MAGI1: variants seen among roughly 807,000 people sequenced by gnomAD.
MAGI1 encodes the protein membrane associated guanylate kinase, WW and PDZ domain containing 1.
MAGI1 carries 58 observed loss-of-function variants against 139.9 expected under a neutral mutation model. That is an observed-to-expected ratio of 0.41 (90% CI 0.34 to 0.52). MAGI1 has a LOEUF of 0.52. Ranked by LOEUF, MAGI1 falls within the 20% of genes least tolerant of loss-of-function variation. The pLI is 0.12. For synonymous variants in MAGI1, 812 were observed against 737.9 expected, an observed-to-expected ratio of 1.10 and a Z score of -1.63; for missense variants, 1,874 against 1,901.6, an observed-to-expected ratio of 0.99 and a Z score of 0.27.
At chr3:65,710,226 G>A in intron 1 of MAGI1, among the ~76,000 whole-genome samples, 1 of 144,450 alleles carries the variant, frequency 6.9e-6, no homozygotes, top group South Asian at 2.3e-4. Flanking sequence ...GGTAAGTTTA[G>A]AAGATGTCTT....
intron 13 of MAGI1, 61 bp downstream of exon 13, chr3:65,401,378 C>CAA: frequency 1.2e-5 from 14 of 1,189,328 alleles, no homozygotes; most frequent in Non-Finnish European, 1.5e-5. Context: ...ACCCTCCCAC[C>CAA]TCCAGCCCCC....
chr3:65,519,612 C>G (rs1276489638), intron 2 of MAGI1, among the ~76,000 whole-genome samples: 1 of 152,116 alleles, frequency 6.6e-6, no homozygotes, highest in African/African-American at 2.4e-5. Flanking sequence ...TCTCAAACTC[C>G]TGACCTCGTG....
chr3:65,370,129 C>T (rs1270671892), intron 18 of MAGI1, among the ~76,000 whole-genome samples: 1 of 152,160 alleles, frequency 6.6e-6, no homozygotes, highest in Admixed American at 6.5e-5. Flanking sequence ...TCCCCTGCTT[C>T]AACTCTAATT....
intron 2 of MAGI1, among the ~76,000 whole-genome samples, chr3:65,510,129 A>G (rs2077506568): frequency 6.6e-6 from 1 of 152,200 alleles, no homozygotes; most frequent in African/African-American, 2.4e-5. Context: ...AACAGAAAGG[A>G]CACCCACACC....
chr3:65,934,298 G>A (rs1272376025), intron 1 of MAGI1, among the ~76,000 whole-genome samples: 2 of 150,810 alleles, frequency 1.3e-5, no homozygotes, highest in African/African-American at 2.4e-5. Context: ...GATCTTGCTG[G>A]GTTGCCCAGG....
intron 2 of MAGI1, among the ~76,000 whole-genome samples, chr3:65,537,880 G>T (rs1184371616): frequency 6.6e-6 from 1 of 152,056 alleles, no homozygotes; most frequent in African/African-American, 2.4e-5. Flanking sequence ...CACTTTGAGA[G>T]GCCAAGGCGG....
At chr3:65,440,504 G>A (rs898215376) in intron 8 of MAGI1, among the ~76,000 whole-genome samples, 2 of 152,098 alleles carry the variant, frequency 1.3e-5, no homozygotes, top group African/African-American at 2.4e-5. Flanking sequence ...TGAGACATAA[G>A]ATTAAAGTGG....
chr3:65,518,212 A>G (rs936991789), intron 2 of MAGI1, among the ~76,000 whole-genome samples: 1 of 152,074 alleles, frequency 6.6e-6, no homozygotes, highest in African/African-American at 2.4e-5. Context: ...TCTGACCCTA[A>G]CTAAAGTAGA....
At chr3:65,799,291 G>A (rs1406200101) in intron 1 of MAGI1, among the ~76,000 whole-genome samples, 2 of 152,152 alleles carry the variant, frequency 1.3e-5, no homozygotes, top group African/African-American at 4.8e-5. Context: ...TTGGGTGGAA[G>A]ACATCAACAG....
At chr3:65,797,027 C>G (rs2040192135) in intron 1 of MAGI1, among the ~76,000 whole-genome samples, 1 of 151,934 alleles carries the variant, frequency 6.6e-6, no homozygotes, top group Admixed American at 6.6e-5. Context: ...TTTTTTCCAA[C>G]AGCATTTACT....
chr3:65,496,505 G>T (rs760792356), intron 2 of MAGI1, among the ~76,000 whole-genome samples: 3 of 152,204 alleles, frequency 2.0e-5, no homozygotes, highest in African/African-American at 7.2e-5. Flanking sequence ...GAAGTGATAA[G>T]AAGCAGTGAG....
Position 65,841,520 on chromosome 3 carries a change from C to T in MAGI1, c.313+196476G>A, listed in dbSNP as rs966758264. On this transcript the variant is annotated intron_variant, in intron 1 of 22. Coordinates refer to ENST00000402939, the MANE Select transcript of MAGI1 (RefSeq NM_001033057.2). ...TTAGCTCACCACAACCTCCGCCTCC[C>T]GGGTTCAAGCCATTCTCCTGCCTCA... Among the ~76,000 whole-genome samples the T allele has an allele frequency of 5.9e-5, 9 of 151,830 alleles. No individual in the cohort carries two copies. The South Asian group carries it at 1.0e-3, about 18-fold the overall frequency.
intron 1 of MAGI1, among the ~76,000 whole-genome samples, chr3:65,664,469 A>G (rs2086386475): frequency 6.6e-6 from 1 of 152,198 alleles, no homozygotes; most frequent in African/African-American, 2.4e-5. Context: ...CATTTTACAG[A>G]CGAAAAAACT....
intron 2 of MAGI1, among the ~76,000 whole-genome samples, chr3:65,496,585 A>G (rs1952474350): frequency 6.6e-6 from 1 of 152,178 alleles, no homozygotes; most frequent in Admixed American, 6.5e-5. Flanking sequence ...ATTAAAAGTA[A>G]AACCCATCAT....
At chr3:65,496,366 G>T (rs1447447452) in intron 2 of MAGI1, among the ~76,000 whole-genome samples, 1 of 152,092 alleles carries the variant, frequency 6.6e-6, no homozygotes, top group Non-Finnish European at 1.5e-5. Context: ...AAAGCTCTTT[G>T]ACTTCAAGGA....
chr3:65,941,638 T>C (rs772037920), intron 1 of MAGI1, among the ~76,000 whole-genome samples: 1 of 151,904 alleles, frequency 6.6e-6, no homozygotes, highest in Non-Finnish European at 1.5e-5. Flanking sequence ...CCACTGCTAT[T>C]TGAACACCAC....
intron 2 of MAGI1, among the ~76,000 whole-genome samples, chr3:65,502,755 C>T (rs542170667): frequency 6.6e-6 from 1 of 152,258 alleles, no homozygotes; most frequent in African/African-American, 2.4e-5. Context: ...AATACCATTA[C>T]ATTAGGAATT....
intron 1 of MAGI1, among the ~76,000 whole-genome samples, chr3:65,825,775 G>A (rs112344627): frequency 0.012 from 1,886 of 152,204 alleles, 45 homozygotes; most frequent in African/African-American, 0.04. Flanking sequence ...AGATCACGAC[G>A]TCAAGAATTC....
At chr3:65,866,803 C>A (rs1383493871) in intron 1 of MAGI1, among the ~76,000 whole-genome samples, 3 of 144,528 alleles carry the variant, frequency 2.1e-5, no homozygotes, top group Admixed American at 7.2e-5. Flanking sequence ...AAAGAACAAA[C>A]AAACAAACAT....
Sources: gnomAD v4.1 joint callset for allele counts (sites outside exome capture counted in the v4.1 genomes callset) on GRCh38, gnomAD v4.1.1 for gene constraint, MANE v1.5 for transcripts, NCBI Gene and HGNC (gene_info 2026-07-23, HGNC 2026-07-21) for gene names.